Variants in BMPR2 observed in about 807,000 individuals in gnomAD.
The protein encoded by BMPR2 is bone morphogenetic protein receptor type-2.
A neutral mutation model predicts 100.8 loss-of-function variants in BMPR2; 29 were observed. The observed-to-expected ratio is 0.29, with a 90% CI of 0.21 to 0.39. BMPR2 has a LOEUF of 0.39. BMPR2 is among the 10% of genes least tolerant of loss of function. BMPR2 has a pLI of 1.00. For synonymous variants in BMPR2, 382 were observed against 442.3 expected (o/e 0.86, Z 1.71); for missense variants, 1,011 against 1,274.5 (o/e 0.79, Z 3.15).
chr2:202,530,657 A>G (rs1688004817), intron 7 of BMPR2, 137 bp from the exon 8 acceptor site: 1 of 724,124 alleles, frequency 1.4e-6, no homozygotes, highest in South Asian at 1.9e-5. Context: ...GTGTGAGTTG[A>G]AATTCCGATT....
chr2:202,425,972 A>T (rs1481791456), intron 1 of BMPR2, among the ~76,000 whole-genome samples: 2 of 152,220 alleles, frequency 1.3e-5, no homozygotes, highest in Admixed American at 6.5e-5. Flanking sequence ...AATATTTTTT[A>T]AAAAGGTAAC....
At chr2:202,523,000 T>C (rs1687845930) in intron 7 of BMPR2, among the ~76,000 whole-genome samples, 1 of 151,932 alleles carries the variant, frequency 6.6e-6, no homozygotes, top group African/African-American at 2.4e-5. Context: ...AGGTCTAATA[T>C]CCAGAATGTA....
At chr2:202,491,576 A>G (rs1692903933) in intron 3 of BMPR2, among the ~76,000 whole-genome samples, 1 of 151,776 alleles carries the variant, frequency 6.6e-6, no homozygotes. Flanking sequence ...GGCACCCACC[A>G]CTACACCCAG....
At chr2:202,414,179 A>C (rs746346895) in intron 1 of BMPR2, among the ~76,000 whole-genome samples, 1 of 152,212 alleles carries the variant, frequency 6.6e-6, no homozygotes, top group African/African-American at 2.4e-5. Context: ...CAATGTTGCA[A>C]ACATTTTAAT....
chr2:202,394,097 C>T (rs529260312), intron 1 of BMPR2, among the ~76,000 whole-genome samples: 22 of 152,242 alleles, frequency 1.4e-4, no homozygotes, highest in African/African-American at 5.3e-4. Flanking sequence ...TGCCTGTAAT[C>T]CCAGCACTTT....
intron 11 of BMPR2, 47 bp from the exon 12 acceptor site, chr2:202,555,205 G>C: frequency 6.5e-7 from 1 of 1,529,562 alleles, no homozygotes; most frequent in Non-Finnish European, 9.0e-7. Context: ...GAGACAGTTT[G>C]TCATAAATGT....
intron 1 of BMPR2, among the ~76,000 whole-genome samples, chr2:202,452,015 A>T (rs1691999388): frequency 6.6e-6 from 1 of 152,064 alleles, no homozygotes; most frequent in Non-Finnish European, 1.5e-5. Flanking sequence ...CAGTCTCCCC[A>T]AGTGCTGGGA....
intron 9 of BMPR2, among the ~76,000 whole-genome samples, chr2:202,535,167 T>A (rs1305701700): frequency 6.9e-6 from 1 of 144,308 alleles, no homozygotes; most frequent in Non-Finnish European, 1.5e-5. Context: ...ATGGGGCGGC[T>A]GGCCTGGCGG....
chr2:202,479,192 C>T, intron 3 of BMPR2, among the ~76,000 whole-genome samples: 1 of 152,174 alleles, frequency 6.6e-6, no homozygotes, highest in East Asian at 1.9e-4. Flanking sequence ...TTTGTGCTTG[C>T]TCTGTTGAAG....
chr2:202,481,314 G>T (rs1262299545), intron 3 of BMPR2, among the ~76,000 whole-genome samples: 1 of 152,036 alleles, frequency 6.6e-6, no homozygotes, highest in African/African-American at 2.4e-5. Context: ...GAGTAGCTGG[G>T]ATTACAGGCT....
At chr2:202,424,494 G>A (rs1202714643) in intron 1 of BMPR2, among the ~76,000 whole-genome samples, 4 of 151,908 alleles carry the variant, frequency 2.6e-5, no homozygotes, top group Non-Finnish European at 5.9e-5. Context: ...CCAGGAGTTC[G>A]AGACCAGCCT....
Position 202,405,933 on chromosome 2 carries a change from G to A in BMPR2, c.76+28383G>A, listed in dbSNP as rs182643500. Among the ~76,000 whole-genome samples, 71 of 152,234 alleles carry A rather than the reference G, an allele frequency of 4.7e-4. 1 individual carries two copies. The highest frequency in any genetic ancestry group is 2.4e-3 in the Admixed American group (37 of 15,280). ...AAATATAAGAATATTTACCTCATTT[G>A]TGGAAACTGAAATTATACAGTCATT... On this transcript the variant is annotated intron_variant, in intron 1 of 12. Coordinates refer to ENST00000374580, the MANE Select transcript of BMPR2 (RefSeq NM_001204.7).
chr2:202,464,058 C>T (rs1692271585), intron 1 of BMPR2, among the ~76,000 whole-genome samples: 1 of 147,932 alleles, frequency 6.8e-6, no homozygotes, highest in Non-Finnish European at 1.5e-5. Flanking sequence ...ACTCAGGAGG[C>T]TGAGGCAAGA....
chr2:202,473,355 T>C (rs911336157), intron 3 of BMPR2, among the ~76,000 whole-genome samples: 3 of 151,702 alleles, frequency 2.0e-5, no homozygotes, highest in Non-Finnish European at 4.4e-5. Context: ...ATCACTTGAG[T>C]ATGGGAGGAT....
At chr2:202,464,476 T>C (rs553095036) in intron 1 of BMPR2, among the ~76,000 whole-genome samples, 9 of 152,308 alleles carry the variant, frequency 5.9e-5, no homozygotes, top group African/African-American at 1.9e-4. Flanking sequence ...TTTGAAGACT[T>C]GGTAATTTTG....
rs1483284948 is a variant in BMPR2, at chr2:202,434,933, A to ATATATATATATATATATT, written c.77-29873_77-29872insATATATATATATATTTAT. Among the ~76,000 whole-genome samples, 28 of 82,006 alleles carry ATATATATATATATATATT rather than the reference A, an allele frequency of 3.4e-4. 1 individual carries two copies. Among genetic ancestry groups the ATATATATATATATATATT allele is most frequent in the African/African-American group, 1.1e-3 (22 of 19,752 alleles). 53.8% of individuals were successfully genotyped at this position (82,006 alleles called of 152,430 possible). A position where few individuals can be genotyped will look rare whatever the true frequency, so the allele number is the denominator to read the frequency against. ...AATATATATATATATATATATATATATATTTATTTATTTATTTACGTCTAT... is the reference window on the plus strand; with the variant it reads ...AATATATATATATATATATATATATATATATATATATATATATTTATTTATTTATTTATTTACGTCTAT... On this transcript the variant is annotated intron_variant, in intron 1 of 12. Coordinates refer to ENST00000374580, the MANE Select transcript of BMPR2 (RefSeq NM_001204.7).
chr2:202,544,896 C>G (rs1198908639), intron 10 of BMPR2, among the ~76,000 whole-genome samples: 1 of 150,278 alleles, frequency 6.7e-6, no homozygotes, highest in African/African-American at 2.4e-5. Flanking sequence ...TCCTGAGTAG[C>G]TGAGACTTCA....
chr2:202,380,693 G>A (rs978100835), intron 1 of BMPR2, among the ~76,000 whole-genome samples: 4 of 150,450 alleles, frequency 2.7e-5, no homozygotes, highest in Non-Finnish European at 4.4e-5. Context: ...TGTGATCTCG[G>A]CTCACTGCAA....
intron 1 of BMPR2, among the ~76,000 whole-genome samples, chr2:202,393,590 C>T (rs1407405845): frequency 2.0e-5 from 3 of 151,932 alleles, no homozygotes; most frequent in African/African-American, 7.3e-5. Context: ...GCTACTGTGC[C>T]CAGTCTAGAC....
Sources: allele counts gnomAD v4.1 joint callset (sites outside exome capture counted in the v4.1 genomes callset), GRCh38; gene constraint gnomAD v4.1.1; transcripts MANE v1.5; gene names NCBI Gene and HGNC (gene_info 2026-07-23, HGNC 2026-07-21).